RBM25: variants seen among roughly 807,000 people sequenced by gnomAD.
RBM25 encodes RNA-binding protein 25.
A neutral mutation model predicts 120.7 loss-of-function variants in RBM25; 19 were observed. That is an observed-to-expected ratio of 0.16 (90% CI 0.11 to 0.23). The LOEUF (loss-of-function observed/expected upper bound fraction) is 0.23, where lower values mean the gene tolerates loss of function less well. Among genes scored for constraint, RBM25 ranks in the 10% least tolerant of loss-of-function variants. The pLI is 1.00. For synonymous variants in RBM25, 390 were observed against 326.7 expected (o/e 1.19, Z -2.09); for missense variants, 605 against 1,041.5 (o/e 0.58, Z 5.77).
chr14:73,103,916 T>G (rs1266692140), intron 10 of RBM25, among the ~76,000 whole-genome samples: 1 of 66,300 alleles, frequency 1.5e-5, no homozygotes, highest in Non-Finnish European at 3.1e-5. Flanking sequence ...TCTCTCTCTC[T>G]CTCTCTCTCT....
At chr14:73,062,511 A>G (rs2140418681) in intron 1 of RBM25, among the ~76,000 whole-genome samples, 1 of 151,602 alleles carries the variant, frequency 6.6e-6, no homozygotes, top group Non-Finnish European at 1.5e-5. Context: ...TATCTGGATA[A>G]GTCTACAATA....
Position 73,122,504 on chromosome 14 carries a change from G to C in RBM25, c.*2699G>C, listed in dbSNP as rs1245275579. ...TTGGCCAGGCTGGTCTCAAACTCCT[G>C]ACCTCAGGTGATCCACCCGCCTCAG... On this transcript the variant is annotated 3_prime_UTR_variant, in exon 19 of 19. Coordinates refer to ENST00000261973, the MANE Select transcript of RBM25 (RefSeq NM_021239.3). The C allele has an allele frequency of 6.6e-6, 1 of 152,026 alleles. No homozygotes were observed. The highest frequency in any genetic ancestry group is 6.6e-5 in the Admixed American group (1 of 15,266). The allele number at this position is 152,026 out of a possible 1,614,324, so 9.4% of individuals were successfully genotyped here. A position where few individuals can be genotyped will look rare whatever the true frequency, so the allele number is the denominator to read the frequency against.
intron 1 of RBM25, among the ~76,000 whole-genome samples, chr14:73,067,200 G>T (rs1403359120): frequency 1.3e-5 from 2 of 150,994 alleles, no homozygotes; most frequent in Non-Finnish European, 2.9e-5. Flanking sequence ...CTCCTGAGTA[G>T]CTGGGACTAC....
chr14:73,111,186 T>G, intron 15 of RBM25, 31 bp downstream of exon 15: 1 of 1,543,512 alleles, frequency 6.5e-7, no homozygotes, highest in Non-Finnish European at 8.9e-7. Context: ...TTCTTTATTT[T>G]CTTCCCTTCA....
intron 10 of RBM25, among the ~76,000 whole-genome samples, chr14:73,103,942 TCTCTCTCACACACACA>T (rs1410546256): frequency 2.0e-3 from 85 of 43,544 alleles, no homozygotes; most frequent in East Asian, 0.018. Flanking sequence ...TCTCTCTCTC[TCTCTCTCACACACACA>T]CACACACACA....
At chr14:73,081,977 G>A (rs931898097) in intron 4 of RBM25, among the ~76,000 whole-genome samples, 1 of 152,080 alleles carries the variant, frequency 6.6e-6, no homozygotes, top group Non-Finnish European at 1.5e-5. Flanking sequence ...CACTTACTTG[G>A]TGGGCCATTT....
At chr14:73,090,966 T>G (rs1566591528) in intron 6 of RBM25, among the ~76,000 whole-genome samples, 1 of 152,358 alleles carries the variant, frequency 6.6e-6, no homozygotes, top group East Asian at 1.9e-4. Flanking sequence ...ACAGAAATGT[T>G]TGAAATAAGA....
rs1896570338 is a variant in RBM25 at position 73,123,574 on chromosome 14, G to C, written c.*3769G>C. The C allele has an allele frequency of 6.6e-6, 1 of 152,204 alleles. No homozygotes were observed. The highest frequency in any genetic ancestry group is 6.5e-5 in the Admixed American group (1 of 15,278). 9.4% of individuals were successfully genotyped at this position (152,204 alleles called of 1,614,324 possible). A position where few individuals can be genotyped will look rare whatever the true frequency, so the allele number is the denominator to read the frequency against. ...CCCAAGCAGGCAAAGAAACAGTCTA[G>C]CTGTCAAGAAGAAAACAGGGAGATA... is the stretch of plus-strand genomic sequence containing the variant. On this transcript the variant is annotated 3_prime_UTR_variant, in exon 19 of 19. Transcript: ENST00000261973.
intron 3 of RBM25, among the ~76,000 whole-genome samples, chr14:73,077,134 TTTTG>T (rs1273754075): frequency 6.6e-6 from 1 of 152,230 alleles, no homozygotes; most frequent in African/African-American, 2.4e-5. Context: ...TCTTGGTTAT[TTTTG>T]TTTCTTTTTT....
Position 73,106,215 on chromosome 14 carries a change from T to G in RBM25, c.1397T>G (p.Ile466Ser). Reference protein sequence around the residue: ...AYQERLKNWEIRERKKTREYE... With the variant: ...AYQERLKNWESRERKKTREYE... ...TTTTAGCGCCTTAAGAATTGGGAAA[T>G]CAGAGAACGAAAGAAAACCCGGGAA... The change falls in exon 12 of 19, where the codon ATC becomes AGC. Residue 466 changes from isoleucine (I) to serine (S), a missense_variant. Physicochemically the swap from Ile to Ser is moderately radical, Grantham distance 142. Coordinates refer to ENST00000261973, the MANE Select transcript of RBM25 (RefSeq NM_021239.3). The G allele has an allele frequency of 6.3e-7, 1 of 1,589,194 alleles. No homozygotes were observed. The highest frequency in any genetic ancestry group is 8.5e-7 in the Non-Finnish European group (1 of 1,171,170).
At chr14:73,092,962 G>A (rs1040125895) in intron 6 of RBM25, among the ~76,000 whole-genome samples, 7 of 152,184 alleles carry the variant, frequency 4.6e-5, no homozygotes, top group African/African-American at 1.7e-4. Flanking sequence ...AGAATTTGCA[G>A]GTGTAACTTT....
At chr14:73,067,328 A>G (rs1895162938) in intron 1 of RBM25, among the ~76,000 whole-genome samples, 1 of 152,202 alleles carries the variant, frequency 6.6e-6, no homozygotes, top group South Asian at 2.1e-4. Flanking sequence ...GTTCAACATT[A>G]TTTGTGAGAG....
intron 10 of RBM25, among the ~76,000 whole-genome samples, chr14:73,103,992 ACACTCT>A (rs1271063601): frequency 6.2e-4 from 71 of 113,610 alleles, no homozygotes; most frequent in South Asian, 9.8e-4. Context: ...ACACACACAC[ACACTCT>A]CTCTCTCTCT....
chr14:73,095,785 A>G (rs1382525543), intron 6 of RBM25, among the ~76,000 whole-genome samples: 1 of 152,204 alleles, frequency 6.6e-6, no homozygotes, highest in Non-Finnish European at 1.5e-5. Flanking sequence ...TGCAGGAATT[A>G]TGACCAAGAG....
chr14:73,071,156 C>T lies in RBM25; in HGVS notation c.-15-471C>T, dbSNP rs1156937056. Reference sequence around the variant, plus strand: ...ACTTGGGAGGCTCAGGCAGGAGAATCGCTTGAACCCGGGAGGCGGAGGTTG... The same window carrying T: ...ACTTGGGAGGCTCAGGCAGGAGAATTGCTTGAACCCGGGAGGCGGAGGTTG... On this transcript the variant is annotated intron_variant, in intron 1 of 18. Coordinates refer to ENST00000261973, the MANE Select transcript of RBM25 (RefSeq NM_021239.3). 8.1e-5 allele frequency among the ~76,000 whole-genome samples: 12 copies of T among 149,060 alleles called. No homozygotes were observed. The Admixed American group carries it at 8.1e-4, about 10-fold the overall frequency.
At chr14:73,080,831 T>C (rs1895543941) in intron 4 of RBM25, among the ~76,000 whole-genome samples, 1 of 149,858 alleles carries the variant, frequency 6.7e-6, no homozygotes, top group South Asian at 2.1e-4. Flanking sequence ...TTCTTTTTTT[T>C]TTTTTTTATT....
chr14:73,098,986 T>G (rs1031367122), intron 7 of RBM25, among the ~76,000 whole-genome samples: 2 of 152,228 alleles, frequency 1.3e-5, no homozygotes, highest in African/African-American at 4.8e-5. Context: ...TTGAGGCCTG[T>G]AGAATTCATT....
chr14:73,088,289 G>A lies in RBM25; in HGVS notation c.543+128G>A. The A allele has an allele frequency of 4.2e-6, 5 of 1,197,360 alleles. 1 individual carries two copies. In the South Asian group the frequency reaches 6.2e-5, roughly 15 times the overall value. 74.2% of individuals were successfully genotyped at this position (1,197,360 alleles called of 1,614,324 possible). A position where few individuals can be genotyped will look rare whatever the true frequency, so the allele number is the denominator to read the frequency against. Reference sequence around the variant, plus strand: ...ATGTATGTGCTTGTGGCTTAATGTAGGAGGGTATTTTATAGTTTGTAGTTA... The same window carrying A: ...ATGTATGTGCTTGTGGCTTAATGTAAGAGGGTATTTTATAGTTTGTAGTTA... On this transcript the variant is annotated intron_variant, in intron 6 of 18. Coordinates refer to ENST00000261973, the MANE Select transcript of RBM25 (RefSeq NM_021239.3).
At chr14:73,096,653 G>T (rs553031466) in intron 6 of RBM25, among the ~76,000 whole-genome samples, 1 of 152,130 alleles carries the variant, frequency 6.6e-6, no homozygotes, top group Non-Finnish European at 1.5e-5. Context: ...CAGATGTGTC[G>T]TATAGTGTGC....
Sources: allele counts gnomAD v4.1 joint callset (sites outside exome capture counted in the v4.1 genomes callset), GRCh38; gene constraint gnomAD v4.1.1; transcripts MANE v1.5; gene names NCBI Gene and HGNC (gene_info 2026-07-23, HGNC 2026-07-21).